Variants in HBP1 observed in about 807,000 individuals in gnomAD.
HBP1 encodes the protein HMG box-containing protein 1.
In HBP1, 20 loss-of-function variants were observed where a neutral mutation model predicts 62.6. The ratio of observed to expected loss-of-function variants is 0.32; its 90% confidence interval spans 0.22 to 0.46. HBP1 has a LOEUF of 0.46. Ranked by LOEUF, HBP1 falls within the 20% of genes least tolerant of loss-of-function variation. The pLI, the probability that HBP1 is intolerant of heterozygous loss-of-function variation, is 1.00. For synonymous variants in HBP1, 232 were observed against 206.2 expected (o/e 1.12, Z -1.07); for missense variants, 480 against 611.8 (o/e 0.78, Z 2.27).
At chr7:107,187,056 T>C (rs1211816442) in intron 6 of HBP1, among the ~76,000 whole-genome samples, 2 of 152,048 alleles carry the variant, frequency 1.3e-5, no homozygotes, top group African/African-American at 2.4e-5. Context: ...ATCGCGACCA[T>C]CCTGGCTAAC....
chr7:107,197,408 A>T (rs1384539685), intron 9 of HBP1, among the ~76,000 whole-genome samples: 2 of 152,172 alleles, frequency 1.3e-5, no homozygotes, highest in Non-Finnish European at 2.9e-5. Context: ...TCTCACTGTC[A>T]TCCAGGCTGG....
intron 1 of HBP1, among the ~76,000 whole-genome samples, chr7:107,171,065 A>ATTTTTTTTT (rs1361609045): frequency 3.0e-5 from 2 of 66,764 alleles, no homozygotes; most frequent in African/African-American, 2.8e-4. Context: ...ATATATATAT[A>ATTTTTTTTT]TATATATATT....
chr7:107,177,339 G>A (rs1018384349), intron 1 of HBP1, among the ~76,000 whole-genome samples: 1 of 152,168 alleles, frequency 6.6e-6, no homozygotes, highest in Non-Finnish European at 1.5e-5. Context: ...CATAATAGTA[G>A]CAAATTGTAT....
intron 9 of HBP1, among the ~76,000 whole-genome samples, chr7:107,199,038 GT>G (rs888965280): frequency 6.1e-4 from 91 of 148,322 alleles, no homozygotes; most frequent in Middle Eastern, 7.0e-3. Context: ...AAGACTAAAA[GT>G]TTTTTTTTTA....
At chr7:107,186,708 T>G in intron 6 of HBP1, 27 bp downstream of exon 6, 1 of 1,254,676 alleles carries the variant, frequency 8.0e-7, no homozygotes, top group African/African-American at 1.5e-5. Context: ...TAAAAAATTT[T>G]TCAAAATCTT....
At chr7:107,192,642 T>C (rs1271007251) in intron 8 of HBP1, 2 of 152,116 alleles carry the variant, frequency 1.3e-5, no homozygotes, top group African/African-American at 4.8e-5. Flanking sequence ...CACCAAACTT[T>C]TTTAAAGTAA....
intron 1 of HBP1, among the ~76,000 whole-genome samples, chr7:107,178,872 A>G (rs1480824092): frequency 6.6e-6 from 1 of 152,108 alleles, no homozygotes; most frequent in East Asian, 1.9e-4. Context: ...GTCTTTACTA[A>G]AAATACAAAA....
At chr7:107,173,373 A>C (rs1398937595) in intron 1 of HBP1, 1 of 152,204 alleles carries the variant, frequency 6.6e-6, no homozygotes, top group Non-Finnish European at 1.5e-5. Context: ...ATGATGGAAA[A>C]GTAAGGATTC....
intron 1 of HBP1, chr7:107,174,811 C>A: frequency 6.3e-6 from 3 of 476,418 alleles, no homozygotes; most frequent in Non-Finnish European, 8.2e-6. Flanking sequence ...GTATGTGAAG[C>A]ATAGTACGGA....
chr7:107,169,649 TG>T, intron 1 of HBP1: 2 of 739,100 alleles, frequency 2.7e-6, no homozygotes, highest in Non-Finnish European at 3.3e-6. Context: ...CGCCTCCTTC[TG>T]GACTGAGGGG....
intron 8 of HBP1, among the ~76,000 whole-genome samples, chr7:107,191,658 A>G (rs1448770783): frequency 6.6e-6 from 1 of 152,230 alleles, no homozygotes; most frequent in Non-Finnish European, 1.5e-5. Flanking sequence ...ATTAGTGGAA[A>G]ATGAATGAAC....
At position 107,185,969 on chromosome 7, in the gene HBP1, T is replaced by C; in HGVS notation, c.540+27T>C. On this transcript the variant is annotated intron_variant, in intron 4 of 10. Coordinates refer to ENST00000222574, the MANE Select transcript of HBP1 (RefSeq NM_012257.4). The stretch of plus-strand genomic sequence containing the variant: ...TAAGTTTATTTATGAGGTTAAACTT[T>C]TACAAAGTTTGTACAACAGTTGAAG... 6 of 1,572,774 alleles carry C rather than the reference T, an allele frequency of 3.8e-6. 1 individual carries two copies. Among genetic ancestry groups the C allele is most frequent in the South Asian group, 3.3e-5 (3 of 90,180 alleles).
At chr7:107,190,073 A>G in intron 7 of HBP1, 100 bp from the exon 8 acceptor site, 1 of 819,100 alleles carries the variant, frequency 1.2e-6, no homozygotes, top group Non-Finnish European at 1.9e-6. Flanking sequence ...GAGACTTAGC[A>G]ATAACATTTT....
intron 9 of HBP1, chr7:107,196,528 A>AAAG (rs928760915): frequency 3.2e-6 from 1 of 313,516 alleles, no homozygotes; most frequent in African/African-American, 2.2e-5. Flanking sequence ...TTGGCCTCCT[A>AAAG]AAGTGCCGTG....
At chr7:107,180,754 G>A (rs1797068173) in intron 2 of HBP1, among the ~76,000 whole-genome samples, 1 of 152,180 alleles carries the variant, frequency 6.6e-6, no homozygotes, top group African/African-American at 2.4e-5. Context: ...TGGAAATTTA[G>A]AGATCTTAAG....
chr7:107,186,784 G>T, intron 6 of HBP1, 103 bp downstream of exon 6: 1 of 698,676 alleles, frequency 1.4e-6, no homozygotes, highest in Non-Finnish European at 2.5e-6. Context: ...ATATTTAAAT[G>T]ACATCGTACA....
intron 2 of HBP1, among the ~76,000 whole-genome samples, 170 bp downstream of exon 2, chr7:107,180,232 A>G (rs187038079): frequency 1.3e-5 from 2 of 152,372 alleles, no homozygotes; most frequent in East Asian, 1.9e-4. Context: ...TAAAACCAAC[A>G]TGAGTTGGGC....
chr7:107,171,728 C>T (rs912833166), intron 1 of HBP1, among the ~76,000 whole-genome samples: 5 of 151,644 alleles, frequency 3.3e-5, no homozygotes, highest in Non-Finnish European at 2.9e-5. Flanking sequence ...GGCATGGTGG[C>T]GCACACCTGT....
chr7:107,170,182 T>G (rs760251683), intron 1 of HBP1: 22 of 965,110 alleles, frequency 2.3e-5, no homozygotes, highest in Non-Finnish European at 2.6e-5. Context: ...GTGCCACTGA[T>G]GCCAGGACGA....
Sources: allele counts gnomAD v4.1 joint callset (sites outside exome capture counted in the v4.1 genomes callset), GRCh38; gene constraint gnomAD v4.1.1; transcripts MANE v1.5; gene names NCBI Gene and HGNC (gene_info 2026-07-23, HGNC 2026-07-21).